C5orf24: variants seen among roughly 807,000 people sequenced by gnomAD.
The protein encoded by C5orf24 is chromosome 5 open reading frame 24.
Under a neutral mutation model 9.8 loss-of-function variants are expected in C5orf24, and 4 were observed. The observed-to-expected ratio is 0.41, with a 90% CI of 0.20 to 0.93. The LOEUF (loss-of-function observed/expected upper bound fraction) is 0.93, where lower values mean the gene tolerates loss of function less well. Among genes scored for constraint, C5orf24 ranks in the 40% least tolerant of loss-of-function variants. C5orf24 has a pLI of 0.33. For missense variants in C5orf24, 170 were observed against 236.9 expected (o/e 0.72, Z 1.85); for synonymous variants, 73 against 81.3 (o/e 0.90, Z 0.55).
At chr5:134,849,174 A>C (rs958749963) in intron 1 of C5orf24, among the ~76,000 whole-genome samples, 1 of 151,198 alleles carries the variant, frequency 6.6e-6, no homozygotes, top group Non-Finnish European at 1.5e-5. Flanking sequence ...AGAATCGCTT[A>C]AACCGGGGTT....
chr5:134,854,835 G>A, intron 1 of C5orf24, 63 bp from the exon 2 acceptor site: 1 of 1,536,872 alleles, frequency 6.5e-7, no homozygotes, highest in Non-Finnish European at 8.8e-7. Context: ...CTCACTGAAT[G>A]CTGCATACAG....
In C5orf24 at chr5:134,857,058, G is replaced by A. The variant is rs1177315436; in HGVS notation, c.*1591G>A. The A allele has an allele frequency of 3.9e-5, 43 of 1,114,810 alleles. No individual in the cohort carries two copies. Among genetic ancestry groups the A allele is most frequent in the Non-Finnish European group, 4.1e-5 (37 of 900,376 alleles). The allele number at this position is 1,114,810 out of a possible 1,614,324, so 69.1% of individuals were successfully genotyped here. On this transcript the variant is annotated 3_prime_UTR_variant, in exon 2 of 2. Transcript: ENST00000394976. ...TAGATATGTATAGTAGGGACAGAGG[G>A]AAATCTTTCTTCTTTCCTTTCTGAA...
chr5:134,838,170 C>T, the C5orf24 span, among the ~76,000 whole-genome samples: 1 of 152,142 alleles, frequency 6.6e-6, no homozygotes, highest in Non-Finnish European at 1.5e-5. Flanking sequence ...ACAAATATTC[C>T]TTTTATTCAC....
Position 134,857,458 on chromosome 5 carries a change from G to C in C5orf24, c.*1991G>C. The C allele has an allele frequency of 6.6e-7, 1 of 1,510,014 alleles. No homozygotes were observed. Among genetic ancestry groups the C allele is most frequent in the Non-Finnish European group, 8.9e-7 (1 of 1,123,182 alleles). The allele number at this position is 1,510,014 out of a possible 1,614,324, so 93.5% of individuals were successfully genotyped here. A position where few individuals can be genotyped will look rare whatever the true frequency, so the allele number is the denominator to read the frequency against. On this transcript the variant is annotated 3_prime_UTR_variant, in exon 2 of 2. Transcript: ENST00000394976. ...TAAGAGGTGTTGCATTGTATGTGGG[G>C]ACTATGTGCACTGGCGTCTAAGACA...
intron 1 of C5orf24, among the ~76,000 whole-genome samples, chr5:134,852,191 C>T (rs945741366): frequency 2.3e-4 from 35 of 152,184 alleles, no homozygotes; most frequent in Non-Finnish European, 1.0e-4. Flanking sequence ...CCGCCTGCCT[C>T]GGCCTCCCAA....
chr5:134,835,929 C>CCTCA, the C5orf24 span, among the ~76,000 whole-genome samples: 34 of 151,960 alleles, frequency 2.2e-4, 1 homozygote, highest in Non-Finnish European at 1.9e-4. Context: ...AGACTCCTGG[C>CCTCA]CTCAGGCAAT....
chr5:134,841,085 A>G (rs1755886338), upstream of C5orf24, among the ~76,000 whole-genome samples: 1 of 152,164 alleles, frequency 6.6e-6, no homozygotes, highest in African/African-American at 2.4e-5. Context: ...AGCCAGCAGT[A>G]AAGGCCAGAC....
chr5:134,853,319 C>T (rs371718209), intron 1 of C5orf24, among the ~76,000 whole-genome samples: 22 of 149,818 alleles, frequency 1.5e-4, no homozygotes, highest in East Asian at 1.4e-3. Flanking sequence ...CAAGATTGTG[C>T]CATTGCACTC....
At chr5:134,847,064 T>A (rs913584142) in intron 1 of C5orf24, among the ~76,000 whole-genome samples, 1 of 152,198 alleles carries the variant, frequency 6.6e-6, no homozygotes, top group African/African-American at 2.4e-5. Flanking sequence ...ATAGTTACAT[T>A]TCTTTATGTT....
At chr5:134,837,653 T>C in the C5orf24 span, among the ~76,000 whole-genome samples, 73 of 149,650 alleles carry the variant, frequency 4.9e-4, no homozygotes, top group African/African-American at 1.6e-3. Flanking sequence ...CCTTCTGCCA[T>C]GTGAGAACAT....
At position 134,856,152 on chromosome 5, in the gene C5orf24, T is replaced by C. The variant is rs1756304574; in HGVS notation, c.*685T>C. The C allele has an allele frequency of 8.0e-6, 8 of 997,762 alleles. No individual in the cohort carries two copies. Among genetic ancestry groups the C allele is most frequent in the African/African-American group, 1.7e-5 (1 of 57,166 alleles). 61.8% of individuals were successfully genotyped at this position (997,762 alleles called of 1,614,324 possible). On this transcript the variant is annotated 3_prime_UTR_variant, in exon 2 of 2. Coordinates refer to ENST00000394976, the MANE Select transcript of C5orf24 (RefSeq NM_001135586.1). ...TTTTTTAATTGCCTAAGAGCATATA[T>C]ACCAAACACTACAAACAATTCATAT...
At chr5:134,834,059 C>T in the C5orf24 span, among the ~76,000 whole-genome samples, 4 of 152,078 alleles carry the variant, frequency 2.6e-5, no homozygotes, top group Non-Finnish European at 5.9e-5. Context: ...ATTACTCTCA[C>T]ATGTTAGGAT....
the C5orf24 span, among the ~76,000 whole-genome samples, chr5:134,835,329 G>T: frequency 1.3e-5 from 2 of 152,172 alleles, no homozygotes; most frequent in Admixed American, 6.5e-5. Flanking sequence ...GGTCTCCAAA[G>T]TGGGGTACGT....
chr5:134,847,602 T>C (rs1445198361), intron 1 of C5orf24, among the ~76,000 whole-genome samples: 1 of 152,248 alleles, frequency 6.6e-6, no homozygotes, highest in East Asian at 1.9e-4. Context: ...CTTCAGTAAC[T>C]ATTTAAAAAG....
chr5:134,843,581 C>T (rs2150170299), upstream of C5orf24, among the ~76,000 whole-genome samples: 1 of 152,160 alleles, frequency 6.6e-6, no homozygotes, highest in East Asian at 1.9e-4. Flanking sequence ...ATTTTTGAGA[C>T]AGTCTCATTC....
intron 1 of C5orf24, among the ~76,000 whole-genome samples, chr5:134,854,427 CTG>C (rs1756251148): frequency 6.6e-6 from 1 of 152,192 alleles, no homozygotes; most frequent in Admixed American, 6.5e-5. Flanking sequence ...CTTGTGGAAA[CTG>C]TTGTCAGGCC....
Position 134,855,098 on chromosome 5 carries a change from T to C in C5orf24, c.198T>C (p.Thr66=), listed in dbSNP as rs771952113. 6.2e-7 allele frequency: 1 copy of C among 1,614,066 alleles called. No individual in the cohort carries two copies. Among genetic ancestry groups the C allele is most frequent in the South Asian group, 1.1e-5 (1 of 91,078 alleles). The part of the protein sequence containing the change: ...QDPLNETHLQ[T]TSGRSIEIKD... ...CATTAAATGAAACACACTTGCAGAC[T>C]ACAAGTGGCAGAAGCATAGAAATAA... The change falls in exon 2 of 2, where the codon ACT becomes ACC. Residue 66 remains threonine, a synonymous_variant. Coordinates refer to ENST00000394976, the MANE Select transcript of C5orf24 (RefSeq NM_001135586.1).
the C5orf24 span, among the ~76,000 whole-genome samples, chr5:134,837,942 A>C: frequency 6.6e-6 from 1 of 152,192 alleles, no homozygotes; most frequent in South Asian, 2.1e-4. Context: ...TCCTATGTAT[A>C]TGAAAGTATC....
At position 134,855,572 on chromosome 5, in the gene C5orf24, A is replaced by G. The variant is rs1756289207; in HGVS notation, c.*105A>G. 1 of 1,480,150 alleles carries G rather than the reference A, an allele frequency of 6.8e-7. No individual in the cohort carries two copies. Among genetic ancestry groups the G allele is most frequent in the East Asian group, 2.4e-5 (1 of 40,964 alleles). The allele number at this position is 1,480,150 out of a possible 1,614,324, so 91.7% of individuals were successfully genotyped here. ...ATAATTTTATGGCCTGGGCTTTCCAAATTTGTTTTCCTGTTTGGTTTTTTT... is the reference window on the plus strand; with the variant it reads ...ATAATTTTATGGCCTGGGCTTTCCAGATTTGTTTTCCTGTTTGGTTTTTTT... On this transcript the variant is annotated 3_prime_UTR_variant, in exon 2 of 2. Transcript: ENST00000394976.
Sources: gnomAD v4.1 joint callset for allele counts (sites outside exome capture counted in the v4.1 genomes callset) on GRCh38, gnomAD v4.1.1 for gene constraint, MANE v1.5 for transcripts, NCBI Gene and HGNC (gene_info 2026-07-23, HGNC 2026-07-21) for gene names.